The following RALGAPA2 variants were observed in gnomAD, a reference collection of about 807,000 sequenced individuals.
The protein encoded by RALGAPA2 is Ral GTPase activating protein catalytic subunit alpha 2, also known as ral GTPase-activating protein subunit alpha-2.
Under a neutral mutation model 230.4 loss-of-function variants are expected in RALGAPA2, and 139 were observed. That is an observed-to-expected ratio of 0.60 (90% CI 0.53 to 0.69). The LOEUF (loss-of-function observed/expected upper bound fraction) is 0.69. Among genes scored for constraint, RALGAPA2 ranks in the 30% least tolerant of loss-of-function variants. The pLI, the probability that RALGAPA2 is intolerant of heterozygous loss-of-function variation, is 0.00. For missense variants in RALGAPA2, 2,163 were observed against 2,276.0 expected (o/e 0.95, Z 1.01); for synonymous variants, 847 against 837.8 (o/e 1.01, Z -0.19).
intron 3 of RALGAPA2, among the ~76,000 whole-genome samples, chr20:20,664,069 G>A (rs557608459): frequency 2.0e-5 from 3 of 152,210 alleles, no homozygotes; most frequent in African/African-American, 7.2e-5. Flanking sequence ...AGGATGGTGA[G>A]AGATTTCACC....
intron 23 of RALGAPA2, among the ~76,000 whole-genome samples, chr20:20,558,709 A>C (rs1383441196): frequency 6.6e-6 from 1 of 152,034 alleles, no homozygotes; most frequent in East Asian, 1.9e-4. Context: ...TTCCAGCAAC[A>C]AATTAAGATT....
chr20:20,641,281 C>T (rs2067022217), intron 5 of RALGAPA2, among the ~76,000 whole-genome samples: 1 of 152,142 alleles, frequency 6.6e-6, no homozygotes, highest in African/African-American at 2.4e-5. Flanking sequence ...TAAGTGTTTC[C>T]TGTTAATAGT....
At chr20:20,639,611 G>C (rs905759938) in intron 7 of RALGAPA2, among the ~76,000 whole-genome samples, 174 bp downstream of exon 7, 1 of 152,166 alleles carries the variant, frequency 6.6e-6, no homozygotes, top group African/African-American at 2.4e-5. Flanking sequence ...AGCTGGTCTT[G>C]CTGAAGTGAC....
At chr20:20,637,281 T>C in intron 8 of RALGAPA2, 82 bp downstream of exon 8, 1 of 1,170,864 alleles carries the variant, frequency 8.5e-7, no homozygotes, top group South Asian at 2.2e-5. Flanking sequence ...TATTTTACTT[T>C]AAAATAATCA....
intron 36 of RALGAPA2, among the ~76,000 whole-genome samples, chr20:20,489,675 C>T (rs532118079): frequency 1.3e-5 from 2 of 152,194 alleles, no homozygotes; most frequent in African/African-American, 4.8e-5. Flanking sequence ...GGGCAATGAG[C>T]GCTCTTTCCT....
At chr20:20,591,784 C>T (rs2065299236) in intron 16 of RALGAPA2, among the ~76,000 whole-genome samples, 1 of 152,122 alleles carries the variant, frequency 6.6e-6, no homozygotes, top group African/African-American at 2.4e-5. Context: ...AAGTGCCCAA[C>T]TGTCCAAAAT....
In RALGAPA2 at chr20:20,663,221, AAAG is replaced by A. The variant is rs1212638487; in HGVS notation, c.271-9637_271-9635del. ...AACAAAGTCTTAGGTAGTAGGCAGA[AAAG>A]AGATAAAAGAGCACCAGCACAAAAT... is the stretch of plus-strand genomic sequence containing the variant. On this transcript the variant is annotated intron_variant, in intron 3 of 39. Coordinates refer to ENST00000202677, the MANE Select transcript of RALGAPA2 (RefSeq NM_020343.4). 2.0e-5 allele frequency among the ~76,000 whole-genome samples: 3 copies of A among 152,320 alleles called. No individual in the cohort carries two copies. In the East Asian group the frequency reaches 5.8e-4, roughly 29 times the overall value.
chr20:20,665,584 T>C (rs766080863), intron 3 of RALGAPA2, among the ~76,000 whole-genome samples: 7 of 152,202 alleles, frequency 4.6e-5, no homozygotes, highest in Non-Finnish European at 1.0e-4. Flanking sequence ...AAACTATCCA[T>C]TGAAACTGAC....
chr20:20,510,775 CAG>C (rs1367311982), intron 33 of RALGAPA2, among the ~76,000 whole-genome samples: 2 of 152,148 alleles, frequency 1.3e-5, no homozygotes, highest in Non-Finnish European at 2.9e-5. Context: ...GCCTTATTAA[CAG>C]AGAGTTATTA....
intron 38 of RALGAPA2, among the ~76,000 whole-genome samples, chr20:20,410,674 T>C (rs967572071): frequency 6.6e-6 from 1 of 152,160 alleles, no homozygotes; most frequent in African/African-American, 2.4e-5. Flanking sequence ...GTTGGCAGAG[T>C]GTATAAAAGA....
In RALGAPA2 at chr20:20,616,172, G is replaced by T; in HGVS notation, c.1559C>A (p.Ala520Glu). Reference sequence around the variant, plus strand: ...ACATGGTTCCAACAAAAAGATGTTTGCAGAGTTCGTCAAAAATACCTTAAA... The same window carrying T: ...ACATGGTTCCAACAAAAAGATGTTTTCAGAGTTCGTCAAAAATACCTTAAA... ...ALLQVFLTNS[A>E]NIFLLEPCAE... The change falls in exon 13 of 40, where the codon GCA (alanine) becomes GAA (glutamate). Residue 520 changes from alanine (A) to glutamate (E), a missense_variant. Physicochemically the swap from Ala to Glu is moderately radical, Grantham distance 107 (BLOSUM62 -1). Transcript: ENST00000202677. The T allele has an allele frequency of 6.6e-7, 1 of 1,526,420 alleles. No homozygotes were observed. The highest frequency in any genetic ancestry group is 1.3e-5 in the South Asian group (1 of 77,838). 94.6% of individuals were successfully genotyped at this position (1,526,420 alleles called of 1,614,324 possible). A position where few individuals can be genotyped will look rare whatever the true frequency, so the allele number is the denominator to read the frequency against.
At chr20:20,699,795 TA>T (rs1195049524) in intron 1 of RALGAPA2, among the ~76,000 whole-genome samples, 4 of 151,890 alleles carry the variant, frequency 2.6e-5, no homozygotes, top group Non-Finnish European at 5.9e-5. Context: ...ATTAAATAGT[TA>T]AAAAAAATGA....
rs766387721 is a variant in RALGAPA2, at chr20:20,412,079, A to G, written c.5565T>C (p.Asp1855=). 3 of 1,613,818 alleles carry G rather than the reference A, an allele frequency of 1.9e-6. No individual in the cohort carries two copies. In the African/African-American group the frequency reaches 4.0e-5, roughly 22 times the overall value. The stretch of plus-strand genomic sequence containing the variant: ...AGGGAGAAAAGACTTGGGCTGCGAA[A>G]TCCTCGAATGTCATTACTTCGCGGT... ...QNHREVMTFE[D]FAAQVFSPSP... Residue 1855 remains aspartate (D), a synonymous_variant, in exon 38 of 40, where the codon GAT becomes GAC. Transcript: ENST00000202677.
intron 23 of RALGAPA2, among the ~76,000 whole-genome samples, chr20:20,550,899 T>C (rs1372008010): frequency 6.6e-6 from 1 of 152,274 alleles, no homozygotes; most frequent in African/African-American, 2.4e-5. Context: ...ATTTACTTTA[T>C]AGGTGTAGTT....
chr20:20,470,520 G>A (rs2061515513), intron 37 of RALGAPA2, among the ~76,000 whole-genome samples: 1 of 152,126 alleles, frequency 6.6e-6, no homozygotes, highest in Non-Finnish European at 1.5e-5. Flanking sequence ...AGGGAGTGTA[G>A]GGCCCATCAT....
At chr20:20,396,054 C>G (rs983848868) in intron 39 of RALGAPA2, among the ~76,000 whole-genome samples, 1 of 152,242 alleles carries the variant, frequency 6.6e-6, no homozygotes, top group Non-Finnish European at 1.5e-5. Context: ...TGCCATCCAT[C>G]AGAGCGCTCT....
chr20:20,507,639 G>C (rs886406447), intron 33 of RALGAPA2, among the ~76,000 whole-genome samples: 1 of 152,190 alleles, frequency 6.6e-6, no homozygotes, highest in Non-Finnish European at 1.5e-5. Flanking sequence ...TTATAGGGTT[G>C]AGCACCATGC....
chr20:20,697,855 A>ATT (rs2069178506), intron 1 of RALGAPA2, among the ~76,000 whole-genome samples: 1 of 152,314 alleles, frequency 6.6e-6, no homozygotes, highest in African/African-American at 2.4e-5. Context: ...GAGGTGGGAA[A>ATT]AGAGAGTGGA....
intron 37 of RALGAPA2, among the ~76,000 whole-genome samples, chr20:20,448,219 T>C (rs1212615151): frequency 6.6e-6 from 1 of 152,218 alleles, no homozygotes; most frequent in Admixed American, 6.5e-5. Context: ...AACATGAATG[T>C]AGAACTCTAT....
Sources: allele counts gnomAD v4.1 joint callset (sites outside exome capture counted in the v4.1 genomes callset), GRCh38; gene constraint gnomAD v4.1.1; transcripts MANE v1.5; gene names NCBI Gene and HGNC (gene_info 2026-07-23, HGNC 2026-07-21).